CEP131: variants seen among roughly 807,000 people sequenced by gnomAD.
CEP131 encodes centrosomal protein of 131 kDa.
Under a neutral mutation model 136.8 loss-of-function variants are expected in CEP131, and 99 were observed. That is an observed-to-expected ratio of 0.72 (90% CI 0.62 to 0.86). The LOEUF (loss-of-function observed/expected upper bound fraction) is 0.86, where lower values mean the gene tolerates loss of function less well. Ranked by LOEUF, CEP131 falls within the 40% of genes least tolerant of loss-of-function variation. The pLI, the probability that CEP131 is intolerant of heterozygous loss-of-function variation, is 0.00. For missense variants in CEP131, 1,459 were observed against 1,463.0 expected (o/e 1.00, Z 0.04); for synonymous variants, 646 against 612.7 (o/e 1.05, Z -0.80).
chr17:81,202,732 C>T (rs952262593), intron 6 of CEP131, among the ~76,000 whole-genome samples: 6 of 152,200 alleles, frequency 3.9e-5, no homozygotes, highest in Admixed American at 3.9e-4. Context: ...GAGGCCAAAG[C>T]GGGCGGATCA....
At position 81,219,852 on chromosome 17, in the gene CEP131, G is replaced by T; in HGVS notation, c.177+28C>A. On this transcript the variant is annotated intron_variant, in intron 2 of 25. Coordinates refer to ENST00000450824, the MANE Select transcript of CEP131 (RefSeq NM_014984.4). This position sits in a 1 kb window ranked among gnomAD's most constrained non-coding sequence, Gnocchi z 4.0. The stretch of plus-strand genomic sequence containing the variant: ...AACAACAGCCCTCCAGGAGGCAGGG[G>T]CCCGGACTCCTAGGCCACAGTACTC... 6.5e-7 allele frequency: 1 copy of T among 1,532,156 alleles called. No individual in the cohort carries two copies. Among genetic ancestry groups the T allele is most frequent in the Non-Finnish European group, 8.8e-7 (1 of 1,133,798 alleles). The allele number at this position is 1,532,156 out of a possible 1,614,324, so 94.9% of individuals were successfully genotyped here. A position where few individuals can be genotyped will look rare whatever the true frequency, so the allele number is the denominator to read the frequency against.
Position 81,192,611 on chromosome 17 carries a change from TCAG to T in CEP131, c.2430-21_2430-19del, listed in dbSNP as rs772469268. On this transcript the variant is annotated intron_variant, in intron 19 of 25. Transcript: ENST00000450824. ...CCCGCTGCCTGCGGCCAGGGAGGAG[TCAG>T]CAGGTGAGGGGTCATCGAGTAAGGA... 1 of 1,572,558 alleles carries T rather than the reference TCAG, an allele frequency of 6.4e-7. No individual in the cohort carries two copies. The highest frequency in any genetic ancestry group is 8.6e-7 in the Non-Finnish European group (1 of 1,165,938).
rs147119775 is a variant in CEP131, at chr17:81,199,501, C to T, written c.1072G>A (p.Glu358Lys). ...ALRAQKASTAERGPPENPRET... is the reference protein window; with the variant it reads ...ALRAQKASTAKRGPPENPRET... ...CTGGGATTCTCAGGTGGCCCACGCT[C>T]GGCAGTGCTCGCCTTCTGGGCTCTC... Residue 358 changes from glutamate (E) to lysine (K), a missense_variant, in exon 10 of 26, where the codon GAG becomes AAG. By Grantham distance (56) the Glu-to-Lys change is moderately conservative. Coordinates refer to ENST00000450824, the MANE Select transcript of CEP131 (RefSeq NM_014984.4). The T allele has an allele frequency of 1.0e-4, 161 of 1,608,538 alleles. No homozygotes were observed. The African/African-American group carries it at 1.8e-3, about 18-fold the overall frequency.
chr17:81,210,466 A>T (rs1436041038), intron 2 of CEP131, among the ~76,000 whole-genome samples: 1 of 152,048 alleles, frequency 6.6e-6, no homozygotes, highest in Non-Finnish European at 1.5e-5. Flanking sequence ...GCTACTCAGC[A>T]GGCTGAGGTA....
intron 2 of CEP131, among the ~76,000 whole-genome samples, chr17:81,212,484 T>C (rs1598316175): frequency 7.3e-6 from 1 of 136,210 alleles, no homozygotes; most frequent in African/African-American, 2.8e-5. Flanking sequence ...CGGGCAGGAG[T>C]GGGGCCTGTC....
Position 81,210,925 on chromosome 17 carries a change from C to A in CEP131, c.178-1903G>T, listed in dbSNP as rs371607614. Among the ~76,000 whole-genome samples, 7 of 151,670 alleles carry A rather than the reference C, an allele frequency of 4.6e-5. No homozygotes were observed. The East Asian group carries it at 1.2e-3, about 25-fold the overall frequency. On this transcript the variant is annotated intron_variant, in intron 2 of 25. Coordinates refer to ENST00000450824, the MANE Select transcript of CEP131 (RefSeq NM_014984.4). ...TTACGGGCATTTCCTGGTCAGGAAACCATGGTCTAAAATAGCTGAACAGAA... is the reference window on the plus strand; with the variant it reads ...TTACGGGCATTTCCTGGTCAGGAAAACATGGTCTAAAATAGCTGAACAGAA...
chr17:81,191,064 T>C lies in CEP131; in HGVS notation c.2786A>G (p.Lys929Arg). 6.2e-7 allele frequency: 1 copy of C among 1,606,756 alleles called. No individual in the cohort carries two copies. Among genetic ancestry groups the C allele is most frequent in the East Asian group, 2.2e-5 (1 of 44,754 alleles). ...AESRIKRLRD[K>R]YEAELSELEQ... ...CAGCTCGGAGAGCTCGGCCTCGTAC[T>C]TGTCCCGTAAGCGCTTGATGCTGGA... Residue 929 changes from lysine to arginine, a missense_variant, in exon 23 of 26, where the codon AAG (lysine) becomes AGG (arginine). Lys to Arg is a conservative substitution (Grantham distance 26, BLOSUM62 2). Around this residue, in one of 3 missense-constraint regions of CEP131, gnomAD observed 1,026 missense variants for 964.2 expected, o/e 1.06. Transcript: ENST00000450824.
chr17:81,194,011 G>A lies in CEP131; in HGVS notation c.2236C>T (p.Leu746=), dbSNP rs1567850545. The A allele has an allele frequency of 1.3e-6, 2 of 1,563,126 alleles. No individual in the cohort carries two copies. Among genetic ancestry groups the A allele is most frequent in the Non-Finnish European group, 1.7e-6 (2 of 1,154,840 alleles). ...QSDERASQRC[L]RQAEELREQL... ...TCCCGCAGCTCCTCGGCCTGGCGCA[G>A]GCAGCGCTGCGAGGCCCGCTCATCC... The change falls in exon 18 of 26, where the codon CTG becomes TTG. Residue 746 remains leucine (L), a synonymous_variant. Transcript: ENST00000450824.
In CEP131 at chr17:81,215,894, G is replaced by A. The variant is rs1265132874; in HGVS notation, c.177+3986C>T. Among the ~76,000 whole-genome samples, 1 of 152,160 alleles carries A rather than the reference G, an allele frequency of 6.6e-6. No individual in the cohort carries two copies. Among genetic ancestry groups the A allele is most frequent in the Non-Finnish European group, 1.5e-5 (1 of 68,028 alleles). ...TGGGTGAAGTTCTGGTGCATCATCT[G>A]ATGAACTATTGTCAGCTGCTACAAA... On this transcript the variant is annotated intron_variant, in intron 2 of 25. Transcript: ENST00000450824. This position sits in a 1 kb window ranked among gnomAD's most constrained non-coding sequence, Gnocchi z 4.1.
At chr17:81,193,834 C>T in intron 18 of CEP131, 92 bp downstream of exon 18, 2 of 1,383,264 alleles carry the variant, frequency 1.4e-6, no homozygotes, top group Non-Finnish European at 1.9e-6. Context: ...GACCCTCGCC[C>T]ACCTCTACAT....
intron 17 of CEP131, among the ~76,000 whole-genome samples, chr17:81,194,357 C>A (rs2061709061): frequency 6.6e-6 from 1 of 152,330 alleles, no homozygotes; most frequent in East Asian, 1.9e-4. Flanking sequence ...TCCTGACACT[C>A]CTGGTGCTAC....
At chr17:81,217,669 G>A (rs186807550) in intron 2 of CEP131, among the ~76,000 whole-genome samples, 143 of 152,204 alleles carry the variant, frequency 9.4e-4, no homozygotes, top group African/African-American at 3.3e-3. Context: ...GGGCCGTCTC[G>A]GATCGAGCGA....
intron 13 of CEP131, 23 bp downstream of exon 13, chr17:81,197,689 G>C (rs774135855): frequency 1.3e-6 from 2 of 1,596,042 alleles, no homozygotes; most frequent in Non-Finnish European, 1.7e-6. Context: ...CTGGGGGCCG[G>C]GTGCGGGCTG....
chr17:81,207,357 C>CT lies in CEP131; in HGVS notation c.273-119dup, dbSNP rs762074239. 5.7e-4 allele frequency: 484 copies of CT among 851,096 alleles called. 2 individuals are homozygous for CT. The highest frequency in any genetic ancestry group is 3.0e-3 in the Middle Eastern group (9 of 2,970). The allele number at this position is 851,096 out of a possible 1,614,324, so 52.7% of individuals were successfully genotyped here. A position where few individuals can be genotyped will look rare whatever the true frequency, so the allele number is the denominator to read the frequency against. On this transcript the variant is annotated intron_variant, in intron 3 of 25. Transcript: ENST00000450824. ...AGGGGCTGAGGCACTAGCAGCAACT[C>CT]TGTTTCTAGGCCCAAAGCCCCCATC...
chr17:81,194,723 G>A, intron 17 of CEP131, 147 bp downstream of exon 17: 1 of 755,198 alleles, frequency 1.3e-6, no homozygotes, highest in South Asian at 1.5e-5. Flanking sequence ...CGGAGGCCGT[G>A]ACGGGGGTGG....
At position 81,208,678 on chromosome 17, in the gene CEP131, G is replaced by C. The variant is rs901908088; in HGVS notation, c.272+250C>G. On this transcript the variant is annotated intron_variant, in intron 3 of 25. Coordinates refer to ENST00000450824, the MANE Select transcript of CEP131 (RefSeq NM_014984.4). The surrounding 1 kb of genome is among the most constrained non-coding windows in gnomAD (Gnocchi z 5.6). ...CTCAGGCAGGGTCCCAGCAGCCGCC[G>C]GGACAGCAAGGAGGAAGGGAGGGAT... 6.6e-6 allele frequency among the ~76,000 whole-genome samples: 1 copy of C among 152,226 alleles called. No individual in the cohort carries two copies. The highest frequency in any genetic ancestry group is 1.5e-5 in the Non-Finnish European group (1 of 68,040).
chr17:81,201,470 C>T (rs1306736841), intron 7 of CEP131, among the ~76,000 whole-genome samples: 1 of 152,234 alleles, frequency 6.6e-6, no homozygotes, highest in African/African-American at 2.4e-5. Flanking sequence ...GTCATCATCA[C>T]AGGAGGCTCC....
chr17:81,203,892 C>A lies in CEP131; in HGVS notation c.516-285G>T. The A allele has an allele frequency of 2.6e-6, 1 of 391,840 alleles. No homozygotes were observed. Among genetic ancestry groups the A allele is most frequent in the Non-Finnish European group, 4.7e-6 (1 of 213,264 alleles). 24.3% of individuals were successfully genotyped at this position (391,840 alleles called of 1,614,324 possible). The stretch of plus-strand genomic sequence containing the variant: ...CCCAAGACGGGGGGAGCAGCTCAGG[C>A]CAGCAGCTCACAATCAGCTTCCAGA... On this transcript the variant is annotated intron_variant, in intron 5 of 25. Transcript: ENST00000450824. This position sits in a 1 kb window ranked among gnomAD's most constrained non-coding sequence, Gnocchi z 4.6.
chr17:81,207,680 C>T (rs1452811466), intron 3 of CEP131, among the ~76,000 whole-genome samples: 2 of 151,576 alleles, frequency 1.3e-5, no homozygotes, highest in African/African-American at 2.4e-5. Context: ...ACCGTGGCTG[C>T]CTCTGCTGCC....
Sources: gnomAD v4.1 joint callset for allele counts (sites outside exome capture counted in the v4.1 genomes callset) on GRCh38, gnomAD v4.1.1 for gene constraint, gnomAD v4.1.1 regional missense constraint, Gnocchi (gnomAD v3.1) non-coding constraint, MANE v1.5 for transcripts, NCBI Gene and HGNC (gene_info 2026-07-23, HGNC 2026-07-21) for gene names.